The following CSMD1 variants were observed in gnomAD, a reference collection of about 807,000 sequenced individuals.
CSMD1 encodes CUB and Sushi multiple domains 1.
A neutral mutation model predicts 417.5 loss-of-function variants in CSMD1; 213 were observed. That is an observed-to-expected ratio of 0.51 (90% confidence interval 0.46 to 0.57). The LOEUF (loss-of-function observed/expected upper bound fraction) is 0.57. CSMD1 is among the 20% of genes least tolerant of loss of function. The pLI, the probability that CSMD1 is intolerant of heterozygous loss-of-function variation, is 0.00. For synonymous variants in CSMD1, 2,862 were observed against 1,736.8 expected (o/e 1.65, Z -16.11); for missense variants, 6,923 against 4,529.7 (o/e 1.53, Z -15.17).
chr8:4,298,430 A>C (rs1797801055), intron 3 of CSMD1, among the ~76,000 whole-genome samples: 1 of 152,148 alleles, frequency 6.6e-6, no homozygotes, highest in African/African-American at 2.4e-5. Flanking sequence ...TGTTATACAA[A>C]GTTGTGAATA....
chr8:3,670,617 G>GAT (rs1210023808), intron 7 of CSMD1, among the ~76,000 whole-genome samples: 19 of 146,566 alleles, frequency 1.3e-4, no homozygotes, highest in Admixed American at 5.5e-4. Flanking sequence ...TATATATGGG[G>GAT]ATATATATAT....
chr8:4,163,916 G>C (rs1486830323), intron 3 of CSMD1, among the ~76,000 whole-genome samples: 1 of 152,118 alleles, frequency 6.6e-6, no homozygotes, highest in Non-Finnish European at 1.5e-5. Context: ...TACTCGTTAG[G>C]TGACTTTCCA....
At chr8:4,927,555 G>T (rs1298509709) in intron 1 of CSMD1, among the ~76,000 whole-genome samples, 1 of 152,074 alleles carries the variant, frequency 6.6e-6, no homozygotes, top group Admixed American at 6.6e-5. Flanking sequence ...GCAACAACTA[G>T]CATGTAAGAG....
chr8:3,247,199 A>T (rs1799937067), intron 26 of CSMD1, among the ~76,000 whole-genome samples: 2 of 152,122 alleles, frequency 1.3e-5, no homozygotes, highest in Admixed American at 6.6e-5. Flanking sequence ...ATGTGATTTG[A>T]TATGTAAAAG....
chr8:2,978,460 G>A (rs1164454299), intron 55 of CSMD1, among the ~76,000 whole-genome samples, 152 bp downstream of exon 55: 4 of 152,278 alleles, frequency 2.6e-5, no homozygotes, highest in Non-Finnish European at 5.9e-5. Context: ...CTGGCCACTC[G>A]ATCTACAGCT....
chr8:4,768,411 G>A lies in CSMD1; in HGVS notation c.86-130853C>T, dbSNP rs138459936. The stretch of plus-strand genomic sequence containing the variant: ...AGAAAATCCTTCCATACAGTCTGCC[G>A]GGTGTCAGCGACTGTGTTAAACGTC... On this transcript the variant is annotated intron_variant, in intron 1 of 69. Transcript: ENST00000635120. 2.4e-4 allele frequency among the ~76,000 whole-genome samples: 37 copies of A among 152,264 alleles called. No individual in the cohort carries two copies. The East Asian group carries it at 5.0e-3, about 21-fold the overall frequency.
chr8:4,937,117 G>A (rs1008748177), intron 1 of CSMD1, among the ~76,000 whole-genome samples: 65 of 152,194 alleles, frequency 4.3e-4, no homozygotes, highest in African/African-American at 1.5e-3. Context: ...GGAGGCTGAA[G>A]GTGGAGGACT....
intron 3 of CSMD1, among the ~76,000 whole-genome samples, chr8:4,170,191 C>T (rs1020913249): frequency 6.6e-6 from 1 of 151,818 alleles, no homozygotes; most frequent in Non-Finnish European, 1.5e-5. Flanking sequence ...TCACAGTCCA[C>T]GCGTTTCTCT....
chr8:3,850,717 TA>T (rs1213506698), intron 5 of CSMD1, among the ~76,000 whole-genome samples: 6 of 151,368 alleles, frequency 4.0e-5, no homozygotes, highest in East Asian at 1.9e-4. Flanking sequence ...TAAATAAACA[TA>T]AAAAAATAAA....
At chr8:3,542,407 T>A (rs1450477003) in intron 10 of CSMD1, among the ~76,000 whole-genome samples, 1 of 152,208 alleles carries the variant, frequency 6.6e-6, no homozygotes, top group African/African-American at 2.4e-5. Flanking sequence ...CCTACCCTGT[T>A]CCAGATACCG....
At chr8:4,258,546 C>A (rs73500606) in intron 3 of CSMD1, among the ~76,000 whole-genome samples, 4 of 2,200 alleles carry the variant, frequency 1.8e-3, no homozygotes, top group Non-Finnish European at 3.8e-3. Flanking sequence ...AAGAGTGGAA[C>A]AATGGAGGGA....
At chr8:3,120,271 C>T (rs981638538) in intron 41 of CSMD1, among the ~76,000 whole-genome samples, 1 of 152,054 alleles carries the variant, frequency 6.6e-6, no homozygotes, top group East Asian at 1.9e-4. Context: ...TAAGAGGCAG[C>T]TAAGGCTCAG....
chr8:3,758,143 T>G (rs1400255764), intron 5 of CSMD1, among the ~76,000 whole-genome samples: 2 of 152,084 alleles, frequency 1.3e-5, no homozygotes, highest in Non-Finnish European at 2.9e-5. Context: ...TTTGTATATT[T>G]AGTAGAGATG....
At chr8:3,802,398 C>A (rs1202400375) in intron 5 of CSMD1, among the ~76,000 whole-genome samples, 3 of 152,134 alleles carry the variant, frequency 2.0e-5, no homozygotes, top group Non-Finnish European at 4.4e-5. Flanking sequence ...GACAATGTTG[C>A]ATCATTTTCA....
intron 47 of CSMD1, among the ~76,000 whole-genome samples, chr8:3,091,986 C>T (rs1164569282): frequency 1.3e-5 from 2 of 152,014 alleles, no homozygotes; most frequent in South Asian, 2.1e-4. Context: ...TGTACTTACA[C>T]AGGAAAATAG....
chr8:4,788,585 T>A, intron 1 of CSMD1: 28 of 1,231,398 alleles, frequency 2.3e-5, no homozygotes, highest in Non-Finnish European at 3.1e-5. Context: ...ATGTAATTTA[T>A]AAGAAACAAT....
intron 41 of CSMD1, among the ~76,000 whole-genome samples, chr8:3,124,333 T>A (rs1441210302): frequency 6.6e-6 from 1 of 152,182 alleles, no homozygotes; most frequent in African/African-American, 2.4e-5. Flanking sequence ...AAAAGAATTG[T>A]AAGTTGCATA....
rs1017670642 is a variant in CSMD1, at chr8:3,696,098, A to G, written c.1009+12316T>C. ...GGACAGGGAATGAGACATTTCCTAC[A>G]TATCAGTTACCTTGAATTTTCACTT... On this transcript the variant is annotated intron_variant, in intron 7 of 69. Coordinates refer to ENST00000635120, the MANE Select transcript of CSMD1 (RefSeq NM_033225.6). Among the ~76,000 whole-genome samples the G allele has an allele frequency of 3.9e-5, 6 of 152,188 alleles. No individual in the cohort carries two copies. The East Asian group carries it at 5.8e-4, about 15-fold the overall frequency.
intron 39 of CSMD1, 145 bp from the exon 40 acceptor site, chr8:3,151,658 T>G: frequency 1.7e-6 from 1 of 586,630 alleles, no homozygotes; most frequent in Non-Finnish European, 3.1e-6. Context: ...GATACAATGC[T>G]GTGTGCCTTA....
Sources: allele counts gnomAD v4.1 joint callset (sites outside exome capture counted in the v4.1 genomes callset), GRCh38; gene constraint gnomAD v4.1.1; transcripts MANE v1.5; gene names NCBI Gene and HGNC (gene_info 2026-07-23, HGNC 2026-07-21).